Variants in GIPC2 observed in about 807,000 individuals in gnomAD.
GIPC2 encodes the protein GIPC PDZ domain containing family member 2.
Under a neutral mutation model 30.6 loss-of-function variants are expected in GIPC2, and 30 were observed. That is an observed-to-expected ratio of 0.98 (90% CI 0.73 to 1.33). The LOEUF (loss-of-function observed/expected upper bound fraction) is 1.33, where lower values mean the gene tolerates loss of function less well. GIPC2 is among the 40% of genes most tolerant of loss of function. The pLI is 0.00. For missense variants in GIPC2, 414 were observed against 390.3 expected (o/e 1.06, Z -0.51); for synonymous variants, 167 against 150.0 (o/e 1.11, Z -0.83).
chr1:78,089,343 A>G (rs1219946958), intron 2 of GIPC2, among the ~76,000 whole-genome samples: 1 of 152,220 alleles, frequency 6.6e-6, no homozygotes, highest in Non-Finnish European at 1.5e-5. Context: ...CCTACTTTAT[A>G]GTATTATTTG....
intron 4 of GIPC2, among the ~76,000 whole-genome samples, chr1:78,125,592 AT>A (rs1662767229): frequency 6.6e-6 from 1 of 152,024 alleles, no homozygotes; most frequent in Non-Finnish European, 1.5e-5. Context: ...AAACTGTTAC[AT>A]GTTATTTATT....
chr1:78,131,363 C>A (rs903975908), intron 5 of GIPC2, among the ~76,000 whole-genome samples: 5 of 152,036 alleles, frequency 3.3e-5, no homozygotes, highest in Non-Finnish European at 5.9e-5. Context: ...CGCTTGCCAC[C>A]ACGACCAGCT....
chr1:78,045,771 T>G, upstream of GIPC2: 1 of 1,094,128 alleles, frequency 9.1e-7, no homozygotes, highest in Non-Finnish European at 1.1e-6. Flanking sequence ...CTAAGGCGTA[T>G]TGTTCTGTAG....
At chr1:78,045,746 C>G (rs866841371), upstream of GIPC2, 10 of 985,466 alleles carry the variant, frequency 1.0e-5, 2 homozygotes, top group Middle Eastern at 1.6e-3. Context: ...AGAGAAGGGC[C>G]AGCGTGTTTG....
chr1:78,046,263 G>T lies in GIPC2; in HGVS notation c.169G>T (p.Val57Leu), dbSNP rs780182588. The change falls in exon 1 of 6, where the codon GTG becomes TTG. Residue 57 changes from valine (V) to leucine (L), a missense_variant. Transcript: ENST00000370759. ...QLAHGSATGRVEGFSSIQELY... is the reference protein window; with the variant it reads ...QLAHGSATGRLEGFSSIQELY... ...GGCGCACGGTAGTGCCACGGGCCGA[G>T]TGGAGGGCTTCTCCAGCATCCAGGA... 3 of 1,611,730 alleles carry T rather than the reference G, an allele frequency of 1.9e-6. No individual in the cohort carries two copies. Among genetic ancestry groups the T allele is most frequent in the Non-Finnish European group, 1.7e-6 (2 of 1,179,394 alleles).
chr1:78,107,465 A>G lies in GIPC2; in HGVS notation c.608-11928A>G, dbSNP rs193048532. On this transcript the variant is annotated intron_variant, in intron 3 of 5. Coordinates refer to ENST00000370759, the MANE Select transcript of GIPC2 (RefSeq NM_017655.6). Reference sequence around the variant, plus strand: ...CGGCTGACTTTTTTTCTTTAGGCTTATATTTTCCACATTTTAAATATAAAA... The same window carrying G: ...CGGCTGACTTTTTTTCTTTAGGCTTGTATTTTCCACATTTTAAATATAAAA... Among the ~76,000 whole-genome samples the G allele has an allele frequency of 1.4e-3, 220 of 152,198 alleles. 4 individuals are homozygous for G. The highest frequency in any genetic ancestry group is 5.2e-3 in the African/African-American group (215 of 41,530).
At chr1:78,057,819 G>C (rs1661323972) in intron 1 of GIPC2, among the ~76,000 whole-genome samples, 1 of 152,156 alleles carries the variant, frequency 6.6e-6, no homozygotes, top group African/African-American at 2.4e-5. Context: ...AATAATCCTT[G>C]GCCACATGGA....
chr1:78,061,500 T>G (rs1214890219), intron 1 of GIPC2, among the ~76,000 whole-genome samples: 2 of 152,054 alleles, frequency 1.3e-5, no homozygotes, highest in South Asian at 2.1e-4. Context: ...TTTGTTTGTT[T>G]TTTTTTTGTT....
chr1:78,097,768 A>G (rs1320210213), intron 3 of GIPC2, among the ~76,000 whole-genome samples: 4 of 152,234 alleles, frequency 2.6e-5, no homozygotes, highest in African/African-American at 9.6e-5. Context: ...GAGCCTTGAC[A>G]AGGTCAGGAA....
chr1:78,078,755 AT>A (rs912881656), intron 1 of GIPC2, among the ~76,000 whole-genome samples: 10 of 136,708 alleles, frequency 7.3e-5, no homozygotes, highest in South Asian at 2.3e-4. Flanking sequence ...TGGTATTTTA[AT>A]TTTTTTTTTC....
intron 2 of GIPC2, among the ~76,000 whole-genome samples, chr1:78,086,647 T>G (rs2100358357): frequency 6.6e-6 from 1 of 152,314 alleles, no homozygotes; most frequent in East Asian, 1.9e-4. Context: ...TTAGGTTGTC[T>G]TGTCAGATTG....
intron 1 of GIPC2, among the ~76,000 whole-genome samples, chr1:78,056,633 G>A (rs1661302931): frequency 6.6e-6 from 1 of 152,038 alleles, no homozygotes; most frequent in South Asian, 2.1e-4. Context: ...TATAACACAA[G>A]TAGAGAAAAG....
intron 5 of GIPC2, among the ~76,000 whole-genome samples, chr1:78,131,529 G>A (rs1414648009): frequency 6.6e-6 from 1 of 152,044 alleles, no homozygotes; most frequent in East Asian, 1.9e-4. Context: ...GTTTATTATT[G>A]CAGTATATTG....
intron 2 of GIPC2, chr1:78,089,122 T>C (rs1201304962): frequency 1.3e-5 from 2 of 152,216 alleles, no homozygotes; most frequent in East Asian, 3.8e-4. Flanking sequence ...AAGAGTAGGT[T>C]AAAGTCACAG....
At chr1:78,069,625 C>A (rs998307511) in intron 1 of GIPC2, among the ~76,000 whole-genome samples, 1 of 151,960 alleles carries the variant, frequency 6.6e-6, no homozygotes, top group African/African-American at 2.4e-5. Context: ...AGGCACCTGC[C>A]ACCACACCTG....
At chr1:78,068,670 A>G (rs965397669) in intron 1 of GIPC2, among the ~76,000 whole-genome samples, 1 of 152,222 alleles carries the variant, frequency 6.6e-6, no homozygotes, top group African/African-American at 2.4e-5. Flanking sequence ...GAAAAGGAGA[A>G]AGAAGAAAAA....
Position 78,090,721 on chromosome 1 carries a change from ATACT to A in GIPC2, c.427-4227_427-4224del, listed in dbSNP as rs145012919. Among the ~76,000 whole-genome samples the A allele has an allele frequency of 5.9e-3, 893 of 152,292 alleles. 7 individuals carry two copies. Among genetic ancestry groups the A allele is most frequent in the African/African-American group, 0.021 (862 of 41,554 alleles). ...TAGAGTGATCATTTCGAGAAATATG[ATACT>A]TACATATTTCTAACATTTTACTTGT... On this transcript the variant is annotated intron_variant, in intron 2 of 5. Transcript: ENST00000370759.
chr1:78,101,749 A>G (rs1313599382), intron 3 of GIPC2, among the ~76,000 whole-genome samples: 1 of 152,086 alleles, frequency 6.6e-6, no homozygotes, highest in Non-Finnish European at 1.5e-5. Flanking sequence ...CTGTAGTGGT[A>G]TTTTTTAGGG....
intron 3 of GIPC2, among the ~76,000 whole-genome samples, chr1:78,098,677 C>T (rs1662185877): frequency 6.6e-6 from 1 of 151,534 alleles, no homozygotes; most frequent in African/African-American, 2.4e-5. Flanking sequence ...TCTTCACTAC[C>T]TTAGAATGCA....
Sources: allele counts gnomAD v4.1 joint callset (sites outside exome capture counted in the v4.1 genomes callset), GRCh38; gene constraint gnomAD v4.1.1; transcripts MANE v1.5; gene names NCBI Gene and HGNC (gene_info 2026-07-23, HGNC 2026-07-21).